Variants in MTFR1 observed in about 807,000 individuals in gnomAD.
MTFR1 encodes the protein chondrocyte protein with a poly-proline region.
Under a neutral mutation model 38.8 loss-of-function variants are expected in MTFR1, and 28 were observed. The observed-to-expected ratio is 0.72, with a 90% CI of 0.53 to 0.99. MTFR1 has a LOEUF of 0.99. MTFR1 is among the 50% of genes least tolerant of loss of function. The pLI is 0.00. For missense variants in MTFR1, 358 were observed against 395.5 expected, an observed-to-expected ratio of 0.91 and a Z score of 0.81; for synonymous variants, 145 against 137.0, an observed-to-expected ratio of 1.06 and a Z score of -0.41.
chr8:65,772,378 A>G (rs1052544290), downstream of MTFR1, among the ~76,000 whole-genome samples: 2 of 152,212 alleles, frequency 1.3e-5, no homozygotes, highest in African/African-American at 2.4e-5. Flanking sequence ...AGTCTTTCAA[A>G]GCTTCAGTAC....
rs371563298 is a variant in MTFR1 at position 65,734,784 on chromosome 8, A to T, written c.*48+15303A>T. On this transcript the variant is annotated intron_variant, in intron 3 of 3. Coordinates refer to the MTFR1 transcript ENST00000521247. ...ATGATTTTCACCTGAAATCAATGTC[A>T]ACCTCTTACCTTAGGTTCCTTTAAG... The T allele has an allele frequency of 2.7e-6, 4 of 1,473,822 alleles. 1 individual carries two copies. Among genetic ancestry groups the T allele is most frequent in the Non-Finnish European group, 1.9e-6 (2 of 1,054,858 alleles). 91.3% of individuals were successfully genotyped at this position (1,473,822 alleles called of 1,614,324 possible).
chr8:65,653,658 A>G (rs1270386694), intron 1 of MTFR1, among the ~76,000 whole-genome samples: 1 of 152,242 alleles, frequency 6.6e-6, no homozygotes, highest in Non-Finnish European at 1.5e-5. Context: ...CCCAAAGTTT[A>G]TATATTGCTA....
At chr8:65,663,240 T>C (rs1804248544) in intron 1 of MTFR1, among the ~76,000 whole-genome samples, 1 of 152,142 alleles carries the variant, frequency 6.6e-6, no homozygotes, top group African/African-American at 2.4e-5. Flanking sequence ...CCCCCAACCC[T>C]GTGCTCTCTG....
chr8:65,755,980 TG>T (rs1426443750), intron 3 of MTFR1, among the ~76,000 whole-genome samples: 1 of 152,236 alleles, frequency 6.6e-6, no homozygotes, highest in African/African-American at 2.4e-5. Context: ...TTTGTTTGTC[TG>T]GAAATATGTT....
At chr8:65,743,175 T>G (rs17304921) in intron 3 of MTFR1, among the ~76,000 whole-genome samples, 5,980 of 152,310 alleles carry the variant, frequency 0.039, 174 homozygotes, top group Non-Finnish European at 0.06. Context: ...AGTGGCATTG[T>G]TTCATCTATA....
chr8:65,662,598 A>C (rs1437167247), intron 1 of MTFR1, among the ~76,000 whole-genome samples: 39 of 130,286 alleles, frequency 3.0e-4, no homozygotes, highest in Admixed American at 7.1e-4. Context: ...CTGGCTGCCC[A>C]GTCTGGGATG....
intron 1 of MTFR1, among the ~76,000 whole-genome samples, chr8:65,652,326 A>G (rs1032818640): frequency 6.6e-6 from 1 of 152,010 alleles, no homozygotes; most frequent in Non-Finnish European, 1.5e-5. Flanking sequence ...CCTGGCCTCA[A>G]GTGATCCTCC....
intron 3 of MTFR1, among the ~76,000 whole-genome samples, chr8:65,685,715 G>T (rs1331099224): frequency 2.0e-5 from 3 of 152,150 alleles, no homozygotes; most frequent in Non-Finnish European, 2.9e-5. Flanking sequence ...TGCCCTTATT[G>T]GTTATATGAT....
At chr8:65,775,466 C>G (rs2128922428), downstream of MTFR1, among the ~76,000 whole-genome samples, 1 of 152,310 alleles carries the variant, frequency 6.6e-6, no homozygotes, top group East Asian at 1.9e-4. Context: ...ATTTTCCCAT[C>G]TAGTCTTTAA....
chr8:65,671,210 A>G (rs993916970), intron 2 of MTFR1, among the ~76,000 whole-genome samples: 2 of 152,190 alleles, frequency 1.3e-5, no homozygotes, highest in African/African-American at 4.8e-5. Context: ...GTATTTTCAT[A>G]TCTTTCAGAT....
intron 1 of MTFR1, among the ~76,000 whole-genome samples, chr8:65,664,185 C>T (rs146103095): frequency 1.3e-5 from 2 of 152,240 alleles, no homozygotes; most frequent in East Asian, 3.9e-4. Flanking sequence ...GGTACTCAAG[C>T]GAATGCTCAA....
chr8:65,693,995 C>G (rs969386623), intron 4 of MTFR1, among the ~76,000 whole-genome samples: 2 of 151,650 alleles, frequency 1.3e-5, no homozygotes, highest in Non-Finnish European at 2.9e-5. Flanking sequence ...CTTGACCTCC[C>G]AGGCTCATGT....
At chr8:65,644,933 G>A (rs1808908199) in intron 1 of MTFR1, 149 bp downstream of exon 1, 1 of 152,480 alleles carries the variant, frequency 6.6e-6, no homozygotes, top group African/African-American at 2.4e-5. Context: ...CGGGATCCTG[G>A]GCCGGTTGAG....
chr8:65,661,569 C>T (rs1015626295), intron 1 of MTFR1, among the ~76,000 whole-genome samples: 11 of 152,134 alleles, frequency 7.2e-5, no homozygotes, highest in East Asian at 1.9e-4. Context: ...ACGGGGGTTG[C>T]AGTGAGCCAA....
intron 1 of MTFR1, among the ~76,000 whole-genome samples, chr8:65,650,899 A>G (rs1323948858): frequency 6.6e-6 from 1 of 152,194 alleles, no homozygotes. Context: ...ATAGTGGTTG[A>G]GCAAATTTAC....
chr8:65,758,197 A>G (rs760893379), intron 3 of MTFR1, among the ~76,000 whole-genome samples: 1 of 152,304 alleles, frequency 6.6e-6, no homozygotes, highest in East Asian at 1.9e-4. Context: ...CCACTAGGCA[A>G]TAACAGCCGT....
At position 65,669,668 on chromosome 8, in the gene MTFR1, C is replaced by T. The variant is rs906528309; in HGVS notation, c.-80-205C>T. On this transcript the variant is annotated intron_variant, in intron 1 of 7. Coordinates refer to ENST00000262146, the MANE Select transcript of MTFR1 (RefSeq NM_014637.4). ...CTGGGTTCAAGCGATTCTCCTGCCT[C>T]GGCCTCCTGAGTAGCTGGGATTACA... 2.1e-4 allele frequency among the ~76,000 whole-genome samples: 32 copies of T among 152,024 alleles called. 1 individual carries two copies. Among genetic ancestry groups the T allele is most frequent in the Non-Finnish European group, 1.5e-4 (10 of 68,014 alleles).
intron 1 of MTFR1, among the ~76,000 whole-genome samples, chr8:65,648,282 G>A (rs1435100514): frequency 6.6e-6 from 1 of 152,138 alleles, no homozygotes; most frequent in Non-Finnish European, 1.5e-5. Context: ...CTCCCAAAGT[G>A]CTGGGATTAC....
intron 3 of MTFR1, among the ~76,000 whole-genome samples, chr8:65,729,901 A>G (rs1038907952): frequency 6.6e-6 from 1 of 151,996 alleles, no homozygotes; most frequent in Non-Finnish European, 1.5e-5. Context: ...CATTATGTCC[A>G]TCCTGAGAAA....
Sources: allele counts gnomAD v4.1 joint callset (sites outside exome capture counted in the v4.1 genomes callset), GRCh38; gene constraint gnomAD v4.1.1; transcripts MANE v1.5; gene names NCBI Gene and HGNC (gene_info 2026-07-23, HGNC 2026-07-21).